NAALADL2: variants seen among roughly 807,000 people sequenced by gnomAD.
The protein encoded by NAALADL2 is inactive N-acetylated-alpha-linked acidic dipeptidase-like protein 2.
NAALADL2 carries 76 observed loss-of-function variants against 87.2 expected under a neutral mutation model. The ratio of observed to expected loss-of-function variants is 0.87; its 90% CI spans 0.72 to 1.05. The LOEUF is 1.05. Among genes scored for constraint, NAALADL2 ranks in the 50% least tolerant of loss-of-function variants. The pLI is 0.00. For missense variants in NAALADL2, 1,089 were observed against 945.8 expected (o/e 1.15, Z -1.99); for synonymous variants, 354 against 331.0 (o/e 1.07, Z -0.75).
chr3:174,562,587 A>G (rs1481540191), intron 2 of NAALADL2, among the ~76,000 whole-genome samples: 1 of 152,138 alleles, frequency 6.6e-6, no homozygotes, highest in Non-Finnish European at 1.5e-5. Context: ...TCAGTCATAT[A>G]TTAGCATTCT....
intron 9 of NAALADL2, among the ~76,000 whole-genome samples, chr3:175,528,101 A>T (rs1326098184): frequency 6.6e-6 from 1 of 152,112 alleles, no homozygotes; most frequent in African/African-American, 2.4e-5. Flanking sequence ...AGTGAAAGAA[A>T]ATTCTGAATT....
chr3:175,674,026 G>A, intron 11 of NAALADL2, among the ~76,000 whole-genome samples: 1 of 151,846 alleles, frequency 6.6e-6, no homozygotes, highest in East Asian at 1.9e-4. Flanking sequence ...TAGAAATCCT[G>A]AAAAAATGGA....
At chr3:174,656,543 T>C (rs569136915) in intron 2 of NAALADL2, among the ~76,000 whole-genome samples, 1 of 152,238 alleles carries the variant, frequency 6.6e-6, no homozygotes, top group Non-Finnish European at 1.5e-5. Context: ...TAGAAGAAAA[T>C]CCTGGAGACA....
chr3:174,923,831 A>C (rs1052981257), intron 1 of NAALADL2, among the ~76,000 whole-genome samples: 1 of 152,124 alleles, frequency 6.6e-6, no homozygotes, highest in Non-Finnish European at 1.5e-5. Context: ...ATGGCACTGT[A>C]GAGGTAGAAT....
chr3:175,321,696 G>T (rs1405302554), intron 4 of NAALADL2, among the ~76,000 whole-genome samples: 1 of 124,728 alleles, frequency 8.0e-6, no homozygotes, highest in Non-Finnish European at 1.6e-5. Context: ...ACCAATAACA[G>T]ACAAACAGAG....
intron 11 of NAALADL2, among the ~76,000 whole-genome samples, chr3:175,656,302 G>A (rs781372735): frequency 1.9e-4 from 29 of 152,122 alleles, no homozygotes; most frequent in Non-Finnish European, 1.2e-4. Context: ...AAAAGAATCT[G>A]CATATTTGTT....
Position 174,908,021 on chromosome 3 carries a change from GTTTTTT to G in NAALADL2, c.43+48589_43+48594del, listed in dbSNP as rs35051279. Among the ~76,000 whole-genome samples the G allele has an allele frequency of 3.4e-3, 279 of 82,562 alleles. 1 individual carries two copies. Among genetic ancestry groups the G allele is most frequent in the African/African-American group, 0.013 (270 of 20,580 alleles). The allele number at this position is 82,562 out of a possible 152,430, so 54.2% of individuals were successfully genotyped here. A position where few individuals can be genotyped will look rare whatever the true frequency, so the allele number is the denominator to read the frequency against. Reference sequence around the variant, plus strand: ...ATCTCTTTTCGAAAGAGAGAAGTTGGTTTTTTTTTTTTTTTTTTTTTTTGGCCTGAG... The same window carrying G: ...ATCTCTTTTCGAAAGAGAGAAGTTGGTTTTTTTTTTTTTTTTTGGCCTGAG... On this transcript the variant is annotated intron_variant, in intron 1 of 13. Coordinates refer to ENST00000454872, the MANE Select transcript of NAALADL2 (RefSeq NM_207015.3).
intron 2 of NAALADL2, among the ~76,000 whole-genome samples, chr3:175,215,579 C>T (rs896019423): frequency 2.2e-4 from 34 of 152,116 alleles, no homozygotes; most frequent in African/African-American, 7.5e-4. Context: ...TCTATGACTT[C>T]CTTAATGTCT....
At chr3:175,487,539 C>G (rs566168016) in intron 9 of NAALADL2, 2 of 456,564 alleles carry the variant, frequency 4.4e-6, no homozygotes, top group East Asian at 1.4e-4. Flanking sequence ...AACCTTAGTT[C>G]CAGGTTTGAT....
intron 2 of NAALADL2, among the ~76,000 whole-genome samples, chr3:174,719,121 A>G (rs762870616): frequency 1.8e-4 from 28 of 152,190 alleles, no homozygotes; most frequent in Non-Finnish European, 2.2e-4. Context: ...ATTTGCTCTA[A>G]CATCCTGTAA....
chr3:174,945,206 T>C (rs1739225552), intron 1 of NAALADL2, among the ~76,000 whole-genome samples: 1 of 152,234 alleles, frequency 6.6e-6, no homozygotes, highest in Admixed American at 6.5e-5. Context: ...TACCAGGCTC[T>C]GAGCCAAGCA....
chr3:174,726,295 G>A (rs555760105), intron 2 of NAALADL2, among the ~76,000 whole-genome samples: 1 of 152,150 alleles, frequency 6.6e-6, no homozygotes, highest in South Asian at 2.1e-4. Flanking sequence ...CAATCTATTG[G>A]CACATCATTG....
intron 1 of NAALADL2, among the ~76,000 whole-genome samples, chr3:174,496,026 C>T (rs1423976152): frequency 1.3e-5 from 2 of 152,070 alleles, no homozygotes; most frequent in Admixed American, 1.3e-4. Context: ...GATTGTATGA[C>T]TGTGCTCTTG....
At chr3:175,244,012 C>T (rs180915157) in intron 3 of NAALADL2, among the ~76,000 whole-genome samples, 47 of 152,258 alleles carry the variant, frequency 3.1e-4, no homozygotes, top group Non-Finnish European at 6.3e-4. Flanking sequence ...GACTGGCTCA[C>T]AAGCCCTCTG....
intron 1 of NAALADL2, among the ~76,000 whole-genome samples, chr3:174,994,730 G>A (rs1747198578): frequency 6.6e-6 from 1 of 152,122 alleles, no homozygotes; most frequent in South Asian, 2.1e-4. Context: ...GAAAATCTGT[G>A]ATTTCACTAA....
At chr3:175,640,335 A>C (rs10513737) in intron 11 of NAALADL2, among the ~76,000 whole-genome samples, 41,698 of 152,062 alleles carry the variant, frequency 0.27, 6,773 homozygotes, top group African/African-American at 0.46. Context: ...TTTATCAGCA[A>C]CCTTAATTGT....
At chr3:175,003,522 A>G (rs1314494372) in intron 1 of NAALADL2, among the ~76,000 whole-genome samples, 1 of 152,260 alleles carries the variant, frequency 6.6e-6, no homozygotes, top group African/African-American at 2.4e-5. Context: ...ATGCAGTTGT[A>G]TAATACATGC....
chr3:175,038,730 C>G (rs1282246213), intron 1 of NAALADL2, among the ~76,000 whole-genome samples: 1 of 151,816 alleles, frequency 6.6e-6, no homozygotes, highest in African/African-American at 2.4e-5. Flanking sequence ...TTCAGAATAT[C>G]TGGGTTTAGC....
At chr3:175,312,687 C>T (rs1175245111) in intron 4 of NAALADL2, among the ~76,000 whole-genome samples, 1 of 152,190 alleles carries the variant, frequency 6.6e-6, no homozygotes, top group African/African-American at 2.4e-5. Flanking sequence ...CACTTACTAG[C>T]TCTGACCCTG....
Sources: gnomAD v4.1 joint callset for allele counts (sites outside exome capture counted in the v4.1 genomes callset) on GRCh38, gnomAD v4.1.1 for gene constraint, MANE v1.5 for transcripts, NCBI Gene and HGNC (gene_info 2026-07-23, HGNC 2026-07-21) for gene names.